UBE2E2: variants seen among roughly 807,000 people sequenced by gnomAD.
UBE2E2 encodes the protein ubiquitin conjugating enzyme E2 E2, also known as ubiquitin-conjugating enzyme E2 E2.
In UBE2E2, 6 loss-of-function variants were observed where a neutral mutation model predicts 24.7. That is an observed-to-expected ratio of 0.24 (90% CI 0.13 to 0.48). The LOEUF is 0.48. UBE2E2 is among the 20% of genes least tolerant of loss of function. The probability of loss-of-function intolerance (pLI) is 0.99; values close to 1 mark genes in which losing one functional copy is unlikely to be tolerated. For synonymous variants in UBE2E2, 104 were observed against 83.6 expected (o/e 1.24, Z -1.33); for missense variants, 169 against 245.0 (o/e 0.69, Z 2.07).
intron 3 of UBE2E2, among the ~76,000 whole-genome samples, chr3:23,499,397 A>T (rs1201979305): frequency 5.3e-5 from 8 of 152,206 alleles, no homozygotes; most frequent in Admixed American, 5.2e-4. Context: ...ATGGCAAAAG[A>T]GGATCTTGGT....
At chr3:23,409,794 C>T (rs549976334) in intron 3 of UBE2E2, among the ~76,000 whole-genome samples, 99 of 151,896 alleles carry the variant, frequency 6.5e-4, no homozygotes, top group Non-Finnish European at 1.3e-3. Flanking sequence ...TTTCTTGCCT[C>T]TTCCTGTCTT....
At chr3:23,275,541 G>A (rs73037733) in intron 3 of UBE2E2, among the ~76,000 whole-genome samples, 5,628 of 152,234 alleles carry the variant, frequency 0.037, 145 homozygotes, top group Non-Finnish European at 0.056. Flanking sequence ...GGGAGGACCC[G>A]TAAGATGATT....
chr3:23,315,128 GA>G (rs1306101984), intron 3 of UBE2E2, among the ~76,000 whole-genome samples: 1 of 151,986 alleles, frequency 6.6e-6, no homozygotes, highest in Admixed American at 6.6e-5. Context: ...TCTTGTGTTA[GA>G]AAATTTTGGT....
At chr3:23,251,330 C>G (rs1462364424) in intron 3 of UBE2E2, among the ~76,000 whole-genome samples, 1 of 152,188 alleles carries the variant, frequency 6.6e-6, no homozygotes, top group African/African-American at 2.4e-5. Flanking sequence ...AACCGTTATT[C>G]TCTGGGTTGA....
At chr3:23,279,198 G>A (rs972535382) in intron 3 of UBE2E2, among the ~76,000 whole-genome samples, 1 of 152,112 alleles carries the variant, frequency 6.6e-6, no homozygotes, top group African/African-American at 2.4e-5. Flanking sequence ...ATTTGGCTTA[G>A]TAGTTGAGGC....
intron 4 of UBE2E2, among the ~76,000 whole-genome samples, chr3:23,527,898 A>G (rs1375253590): frequency 6.6e-6 from 1 of 151,608 alleles, no homozygotes; most frequent in Non-Finnish European, 1.5e-5. Flanking sequence ...CCTTTGTAAT[A>G]TATTTTATAA....
chr3:23,273,399 C>T (rs529706534), intron 3 of UBE2E2, among the ~76,000 whole-genome samples: 14 of 152,086 alleles, frequency 9.2e-5, no homozygotes, highest in South Asian at 2.1e-4. Context: ...GGCGTGATGG[C>T]GGACGCCTGT....
intron 4 of UBE2E2, among the ~76,000 whole-genome samples, chr3:23,503,520 GC>G (rs1159771951): frequency 6.6e-6 from 1 of 151,992 alleles, no homozygotes; most frequent in African/African-American, 2.4e-5. Context: ...CTGGGGATTA[GC>G]TTTTAGATTC....
chr3:23,375,881 A>T (rs1472650649), intron 3 of UBE2E2, among the ~76,000 whole-genome samples: 1 of 152,214 alleles, frequency 6.6e-6, no homozygotes, highest in African/African-American at 2.4e-5. Flanking sequence ...TTCTAAAGTT[A>T]GTGCATAAGG....
chr3:23,362,094 G>A (rs1201636996), intron 3 of UBE2E2, among the ~76,000 whole-genome samples: 1 of 152,148 alleles, frequency 6.6e-6, no homozygotes, highest in African/African-American at 2.4e-5. Context: ...AGCACCTAAT[G>A]TGCACCACTC....
chr3:23,548,881 C>T (rs1695579525), intron 5 of UBE2E2, among the ~76,000 whole-genome samples: 1 of 152,150 alleles, frequency 6.6e-6, no homozygotes, highest in Non-Finnish European at 1.5e-5. Context: ...TCCCTTTTCA[C>T]TTCATGTGCC....
chr3:23,589,619 C>A lies in UBE2E2; in HGVS notation c.509-115C>A. On this transcript the variant is annotated intron_variant, in intron 5 of 5. Coordinates refer to ENST00000396703, the MANE Select transcript of UBE2E2 (RefSeq NM_152653.4). The surrounding 1 kb of genome is among the most constrained non-coding windows in gnomAD (Gnocchi z 4.1). ...TGGCTCAGCCGCAGCAATGGTGGTC[C>A]AGGTTAGAACAGCAGCTTCTCATCT... The A allele has an allele frequency of 1.0e-6, 1 of 1,001,896 alleles. No individual in the cohort carries two copies. The highest frequency in any genetic ancestry group is 1.5e-6 in the Non-Finnish European group (1 of 666,276). 62.1% of individuals were successfully genotyped at this position (1,001,896 alleles called of 1,614,324 possible). A position where few individuals can be genotyped will look rare whatever the true frequency, so the allele number is the denominator to read the frequency against.
chr3:23,451,131 G>A (rs1222729927), intron 3 of UBE2E2, among the ~76,000 whole-genome samples: 2 of 152,144 alleles, frequency 1.3e-5, no homozygotes, highest in African/African-American at 4.8e-5. Flanking sequence ...TGGGCACGGT[G>A]GTGCACACTT....
chr3:23,296,708 T>C (rs1450811791), intron 3 of UBE2E2, among the ~76,000 whole-genome samples: 1 of 152,244 alleles, frequency 6.6e-6, no homozygotes, highest in Non-Finnish European at 1.5e-5. Flanking sequence ...CAGTCTGTCA[T>C]TGTTGGACAT....
At chr3:23,212,875 A>G (rs1402395098) in intron 2 of UBE2E2, among the ~76,000 whole-genome samples, 1 of 152,110 alleles carries the variant, frequency 6.6e-6, no homozygotes, top group East Asian at 1.9e-4. Flanking sequence ...AGAATCATAG[A>G]TATATAGTAT....
intron 3 of UBE2E2, among the ~76,000 whole-genome samples, chr3:23,259,034 T>A (rs1380371151): frequency 6.6e-6 from 1 of 152,196 alleles, no homozygotes; most frequent in Non-Finnish European, 1.5e-5. Flanking sequence ...AGTTTATTTC[T>A]TTAAGATAAC....
At chr3:23,541,018 A>G (rs1695385516) in intron 5 of UBE2E2, among the ~76,000 whole-genome samples, 1 of 152,380 alleles carries the variant, frequency 6.6e-6, no homozygotes, top group East Asian at 1.9e-4. Flanking sequence ...TGTTAGTGTT[A>G]TGGAAATTCC....
At chr3:23,519,822 A>C (rs989669504) in intron 4 of UBE2E2, among the ~76,000 whole-genome samples, 4 of 150,588 alleles carry the variant, frequency 2.7e-5, no homozygotes, top group African/African-American at 7.4e-5. Flanking sequence ...GGCTACAGAC[A>C]CATGCCACCA....
chr3:23,308,965 TG>T (rs368016905), intron 3 of UBE2E2, among the ~76,000 whole-genome samples: 92 of 152,262 alleles, frequency 6.0e-4, no homozygotes, highest in African/African-American at 2.1e-3. Context: ...CAAGCACAGG[TG>T]GAGGAAAAGA....
Sources: allele counts gnomAD v4.1 joint callset (sites outside exome capture counted in the v4.1 genomes callset), GRCh38; gene constraint gnomAD v4.1.1; non-coding constraint Gnocchi (gnomAD v3.1); transcripts MANE v1.5; gene names NCBI Gene and HGNC (gene_info 2026-07-23, HGNC 2026-07-21).